Variants in IFRD1 observed in about 807,000 individuals in gnomAD.
The protein encoded by IFRD1 is interferon related developmental regulator 1.
A neutral mutation model predicts 52.9 loss-of-function variants in IFRD1; 35 were observed. That is an observed-to-expected ratio of 0.66 (90% CI 0.51 to 0.88). The LOEUF (loss-of-function observed/expected upper bound fraction) is 0.88, where lower values mean the gene tolerates loss of function less well. Among genes scored for constraint, IFRD1 ranks in the 40% least tolerant of loss-of-function variants. IFRD1 has a pLI of 0.00. For missense variants in IFRD1, 517 were observed against 550.8 expected, an observed-to-expected ratio of 0.94 and a Z score of 0.61; for synonymous variants, 184 against 188.4, an observed-to-expected ratio of 0.98 and a Z score of 0.19.
intron 1 of IFRD1, among the ~76,000 whole-genome samples, chr7:112,429,793 C>T (rs1794507764): frequency 6.6e-6 from 1 of 152,190 alleles, no homozygotes; most frequent in African/African-American, 2.4e-5. Context: ...ATATACTCTG[C>T]AACCTCATGT....
chr7:112,465,371 A>C (rs1795582075), intron 8 of IFRD1, among the ~76,000 whole-genome samples: 1 of 152,202 alleles, frequency 6.6e-6, no homozygotes, highest in Admixed American at 6.5e-5. Flanking sequence ...CTGTCTGCCT[A>C]AACTTTTCTG....
chr7:112,469,989 C>T (rs1795706691), intron 9 of IFRD1, among the ~76,000 whole-genome samples: 1 of 151,740 alleles, frequency 6.6e-6, no homozygotes, highest in Admixed American at 6.6e-5. Context: ...TCTGGAGCAC[C>T]CAGCTTCTCG....
rs752846951 is a variant in IFRD1 at position 112,462,145 on chromosome 7, T to C, written c.763T>C (p.Cys255Arg). Residue 255 changes from cysteine to arginine, a missense_variant, in exon 7 of 12, where the codon TGC becomes CGC. By Grantham distance (180) the Cys-to-Arg change is radical. Transcript: ENST00000403825. ...TGCATGGACACTACTGCTGACCATA[T>C]GCCCAATCAATGAAGTGAAGAAAAA... ...LLAWTLLLTI[C>R]PINEVKKKLE... 5 of 1,613,744 alleles carry C rather than the reference T, an allele frequency of 3.1e-6. No homozygotes were observed. The highest frequency in any genetic ancestry group is 1.7e-5 in the Admixed American group (1 of 59,942).
At chr7:112,445,678 T>G (rs768041544), upstream of IFRD1, among the ~76,000 whole-genome samples, 1 of 152,220 alleles carries the variant, frequency 6.6e-6, no homozygotes, top group African/African-American at 2.4e-5. Context: ...TGGGCCACTA[T>G]GTACAGATGT....
intron 1 of IFRD1, among the ~76,000 whole-genome samples, chr7:112,427,711 T>A (rs1794457264): frequency 6.6e-6 from 1 of 152,226 alleles, no homozygotes; most frequent in African/African-American, 2.4e-5. Flanking sequence ...GAACTATCTC[T>A]TATCTTTCTA....
At chr7:112,425,630 C>T (rs2117217170) in intron 1 of IFRD1, among the ~76,000 whole-genome samples, 1 of 152,310 alleles carries the variant, frequency 6.6e-6, no homozygotes, top group South Asian at 2.1e-4. Context: ...GACTGAGCCA[C>T]ACTACCAGCT....
chr7:112,472,121 A>G, intron 9 of IFRD1, 98 bp from the exon 10 acceptor site: 1 of 1,228,794 alleles, frequency 8.1e-7, no homozygotes, highest in Non-Finnish European at 1.2e-6. Flanking sequence ...TTGTTCATTT[A>G]TCTCAGCATG....
intron 3 of IFRD1, among the ~76,000 whole-genome samples, chr7:112,456,508 A>G (rs1289982531): frequency 1.3e-5 from 2 of 152,204 alleles, no homozygotes; most frequent in Non-Finnish European, 2.9e-5. Flanking sequence ...TTTTCACTAT[A>G]GCTTCAGAAC....
chr7:112,459,541 T>C (rs1261942373), intron 5 of IFRD1, among the ~76,000 whole-genome samples: 1 of 152,152 alleles, frequency 6.6e-6, no homozygotes, highest in Non-Finnish European at 1.5e-5. Flanking sequence ...AACAAGTGAA[T>C]CAGTTTAAGC....
At chr7:112,439,255 G>C (rs1225533475) in intron 1 of IFRD1, among the ~76,000 whole-genome samples, 1 of 152,242 alleles carries the variant, frequency 6.6e-6, no homozygotes, top group Non-Finnish European at 1.5e-5. Flanking sequence ...CAGGTGACAA[G>C]AGTGAGGATT....
chr7:112,450,492 T>C lies in IFRD1; in HGVS notation c.-197T>C. ...CTCCCGCGCTAGAGAGAAACATGTA[T>C]CGTTTTCGATCACAGCTCTTCACGG... On this transcript the variant is annotated 5_prime_UTR_variant, in exon 1 of 12. Transcript: ENST00000403825. 1.6e-6 allele frequency: 1 copy of C among 619,844 alleles called. No homozygotes were observed. The allele number at this position is 619,844 out of a possible 1,614,324, so 38.4% of individuals were successfully genotyped here.
At chr7:112,441,145 T>G (rs1165984487) in intron 1 of IFRD1, among the ~76,000 whole-genome samples, 12 of 151,846 alleles carry the variant, frequency 7.9e-5, no homozygotes, top group Non-Finnish European at 8.8e-5. Context: ...GTTCGTGGTG[T>G]GCGCCTGTAA....
intron 1 of IFRD1, among the ~76,000 whole-genome samples, chr7:112,442,434 C>A: frequency 6.6e-6 from 1 of 152,146 alleles, no homozygotes; most frequent in East Asian, 1.9e-4. Context: ...TTATGACAAT[C>A]CAGTGACATC....
Position 112,455,878 on chromosome 7 carries a change from TA to T in IFRD1, c.199+14del. On this transcript the variant is annotated intron_variant, in intron 2 of 11. Coordinates refer to ENST00000403825, the MANE Select transcript of IFRD1 (RefSeq NM_001550.4). The stretch of plus-strand genomic sequence containing the variant: ...GTTTTGCTGAAGATGGTATGAGTTT[TA>T]AATTTAAATTTGCAACTTTAGATAA... 6.3e-7 allele frequency: 1 copy of T among 1,576,648 alleles called. No homozygotes were observed.
chr7:112,439,557 G>A (rs374613728), intron 1 of IFRD1, among the ~76,000 whole-genome samples: 3 of 152,156 alleles, frequency 2.0e-5, no homozygotes, highest in East Asian at 3.9e-4. Context: ...TTAATTCAGT[G>A]ACTCAAAAAC....
At chr7:112,424,477 C>T (rs574345332) in intron 1 of IFRD1, among the ~76,000 whole-genome samples, 2 of 151,482 alleles carry the variant, frequency 1.3e-5, no homozygotes, top group South Asian at 4.2e-4. Flanking sequence ...TGCAATGGCA[C>T]GATCTTGACT....
chr7:112,471,149 T>C (rs932678029), intron 9 of IFRD1, among the ~76,000 whole-genome samples: 2 of 152,206 alleles, frequency 1.3e-5, no homozygotes, highest in African/African-American at 4.8e-5. Context: ...TATTTATTTA[T>C]TTATTTTTGA....
upstream of IFRD1, chr7:112,446,026 G>A (rs1420817748): frequency 2.0e-5 from 3 of 152,024 alleles, no homozygotes; most frequent in Non-Finnish European, 4.4e-5. Context: ...AGTGACCGAG[G>A]ATCAGTAACT....
At chr7:112,427,703 A>C (rs1315512271) in intron 1 of IFRD1, among the ~76,000 whole-genome samples, 2 of 152,190 alleles carry the variant, frequency 1.3e-5, no homozygotes. Flanking sequence ...ATACCCCAGA[A>C]CTATCTCTTA....
Sources: gnomAD v4.1 joint callset for allele counts (sites outside exome capture counted in the v4.1 genomes callset) on GRCh38, gnomAD v4.1.1 for gene constraint, MANE v1.5 for transcripts, NCBI Gene and HGNC (gene_info 2026-07-23, HGNC 2026-07-21) for gene names.